The following DPP10 variants were observed in gnomAD, a reference collection of about 807,000 sequenced individuals.
The protein encoded by DPP10 is dipeptidyl peptidase like 10, also known as inactive dipeptidyl peptidase 10.
Under a neutral mutation model 120.9 loss-of-function variants are expected in DPP10, and 33 were observed. The ratio of observed to expected loss-of-function variants is 0.27; its 90% CI spans 0.21 to 0.37. The LOEUF (loss-of-function observed/expected upper bound fraction) is 0.37, where lower values mean the gene tolerates loss of function less well. Among genes scored for constraint, DPP10 ranks in the 10% least tolerant of loss-of-function variants. The pLI, the probability that DPP10 is intolerant of heterozygous loss-of-function variation, is 1.00. For synonymous variants in DPP10, 337 were observed against 326.1 expected (o/e 1.03, Z -0.36); for missense variants, 816 against 942.8 (o/e 0.87, Z 1.76).
chr2:115,765,913 T>A (rs1680646346), intron 12 of DPP10, among the ~76,000 whole-genome samples: 1 of 152,140 alleles, frequency 6.6e-6, no homozygotes. Context: ...TCATGAATGT[T>A]CATAAGGCAG....
At chr2:114,734,366 A>G (rs536140935) in intron 1 of DPP10, among the ~76,000 whole-genome samples, 2 of 152,278 alleles carry the variant, frequency 1.3e-5, no homozygotes, top group South Asian at 4.1e-4. Flanking sequence ...CACAACCTTT[A>G]TCTTGACCTG....
intron 3 of DPP10, among the ~76,000 whole-genome samples, chr2:115,408,653 T>TCC: frequency 6.6e-6 from 1 of 152,184 alleles, no homozygotes; most frequent in East Asian, 1.9e-4. Context: ...CTATTAGGAA[T>TCC]CAACAACAAA....
intron 1 of DPP10, among the ~76,000 whole-genome samples, chr2:114,927,864 G>A (rs1558888205): frequency 6.6e-6 from 1 of 152,194 alleles, no homozygotes; most frequent in Non-Finnish European, 1.5e-5. Flanking sequence ...GTGGCAGAAG[G>A]CAAAGGGGAG....
chr2:114,680,513 G>GCCTTTCTT (rs1698959072), intron 1 of DPP10, among the ~76,000 whole-genome samples: 1 of 151,760 alleles, frequency 6.6e-6, no homozygotes, highest in African/African-American at 2.4e-5. Flanking sequence ...TCAGTATTTT[G>GCCTTTCTT]CCTTTCTTCT....
chr2:114,716,868 A>G (rs988071517), intron 1 of DPP10, among the ~76,000 whole-genome samples: 7 of 152,092 alleles, frequency 4.6e-5, no homozygotes, highest in African/African-American at 1.7e-4. Flanking sequence ...AGCATCATTA[A>G]CTCCATTTTA....
chr2:115,528,745 G>C (rs182461781), intron 5 of DPP10, among the ~76,000 whole-genome samples: 1 of 146,276 alleles, frequency 6.8e-6, no homozygotes, highest in East Asian at 2.0e-4. Flanking sequence ...TATGCCAAGT[G>C]AAAAAAAAAC....
intron 1 of DPP10, among the ~76,000 whole-genome samples, chr2:114,747,510 A>G (rs191619662): frequency 1.3e-5 from 2 of 152,364 alleles, no homozygotes; most frequent in Non-Finnish European, 2.9e-5. Context: ...TAGCATACAC[A>G]TGTATGTATG....
chr2:115,070,207 T>G (rs1263657305), intron 1 of DPP10, among the ~76,000 whole-genome samples: 1 of 152,150 alleles, frequency 6.6e-6, no homozygotes, highest in Non-Finnish European at 1.5e-5. Flanking sequence ...TCTTTGTGTT[T>G]AGGACTATGC....
At chr2:114,683,418 C>T (rs1699152756) in intron 1 of DPP10, among the ~76,000 whole-genome samples, 1 of 151,598 alleles carries the variant, frequency 6.6e-6, no homozygotes. Flanking sequence ...CAAGGATAAA[C>T]TCTTCACCAC....
intron 1 of DPP10, among the ~76,000 whole-genome samples, chr2:114,472,593 G>C (rs1355278082): frequency 6.6e-6 from 1 of 152,146 alleles, no homozygotes; most frequent in Non-Finnish European, 1.5e-5. Context: ...CTGCGTCTCA[G>C]CCTAATATTT....
intron 1 of DPP10, 58 bp downstream of exon 1, chr2:114,442,896 ACATGGG>A: frequency 6.3e-7 from 1 of 1,595,054 alleles, no homozygotes; most frequent in Non-Finnish European, 8.6e-7. Context: ...TCTACCTAAC[ACATGGG>A]CATTGATATA....
chr2:115,381,184 G>C (rs1025135696), intron 3 of DPP10, among the ~76,000 whole-genome samples: 2 of 152,040 alleles, frequency 1.3e-5, no homozygotes, highest in Non-Finnish European at 2.9e-5. Context: ...TCACTTTCAC[G>C]TACACCAATC....
intron 1 of DPP10, among the ~76,000 whole-genome samples, chr2:115,301,838 T>C (rs2061151333): frequency 6.6e-6 from 1 of 152,078 alleles, no homozygotes; most frequent in African/African-American, 2.4e-5. Context: ...ATCGTGATGC[T>C]AAAAGTGTAA....
At chr2:114,826,155 A>G (rs537502168) in intron 1 of DPP10, among the ~76,000 whole-genome samples, 3 of 152,338 alleles carry the variant, frequency 2.0e-5, no homozygotes, top group Non-Finnish European at 2.9e-5. Flanking sequence ...TATGTAATGT[A>G]TAGAGTAAAA....
At chr2:115,000,523 A>G (rs745463683) in intron 1 of DPP10, among the ~76,000 whole-genome samples, 4 of 151,960 alleles carry the variant, frequency 2.6e-5, no homozygotes, top group Admixed American at 6.6e-5. Context: ...CATCTTTTAC[A>G]TTGGTTCCTT....
At chr2:115,176,958 G>A (rs976273653) in intron 1 of DPP10, among the ~76,000 whole-genome samples, 16 of 152,044 alleles carry the variant, frequency 1.1e-4, no homozygotes, top group African/African-American at 3.4e-4. Context: ...AATTGAAAAT[G>A]GAGTTTACTT....
chr2:114,690,550 A>G (rs1209374907), intron 1 of DPP10, among the ~76,000 whole-genome samples: 3 of 151,906 alleles, frequency 2.0e-5, no homozygotes, highest in African/African-American at 4.8e-5. Flanking sequence ...TTTGCTTAGG[A>G]TTGTCTTGGC....
At chr2:114,954,774 A>T (rs145615653) in intron 1 of DPP10, among the ~76,000 whole-genome samples, 21 of 152,250 alleles carry the variant, frequency 1.4e-4, no homozygotes, top group East Asian at 1.9e-4. Context: ...TAAGTGAGAA[A>T]GGAGATACTA....
chr2:115,515,572 T>TA (rs2077460359), intron 4 of DPP10, among the ~76,000 whole-genome samples: 2 of 152,056 alleles, frequency 1.3e-5, no homozygotes, highest in African/African-American at 2.4e-5. Context: ...CAGGAACATT[T>TA]TAAAAAAATA....
Sources: allele counts gnomAD v4.1 joint callset (sites outside exome capture counted in the v4.1 genomes callset), GRCh38; gene constraint gnomAD v4.1.1; transcripts MANE v1.5; gene names NCBI Gene and HGNC (gene_info 2026-07-23, HGNC 2026-07-21).